The following IGF2BP1 variants were observed in gnomAD, a reference collection of about 807,000 sequenced individuals.
IGF2BP1 encodes insulin like growth factor 2 mRNA binding protein 1.
IGF2BP1 carries 11 observed loss-of-function variants against 74.9 expected under a neutral mutation model. The ratio of observed to expected loss-of-function variants is 0.15; its 90% CI spans 0.09 to 0.24. The LOEUF is 0.24. IGF2BP1 is among the 10% of genes least tolerant of loss of function. IGF2BP1 has a pLI of 1.00. For missense variants in IGF2BP1, 440 were observed against 757.4 expected (o/e 0.58, Z 4.92); for synonymous variants, 287 against 281.8 (o/e 1.02, Z -0.18).
chr17:49,034,506 A>G (rs544075350), intron 5 of IGF2BP1, among the ~76,000 whole-genome samples: 5 of 151,458 alleles, frequency 3.3e-5, no homozygotes, highest in African/African-American at 4.8e-5. Flanking sequence ...TGGGAGGCCA[A>G]TGCAGGGTGG....
chr17:49,032,297 G>C lies in IGF2BP1; in HGVS notation c.401+324G>C, dbSNP rs548444431. Among the ~76,000 whole-genome samples, 300 of 152,200 alleles carry C rather than the reference G, an allele frequency of 2.0e-3. 1 individual carries two copies. Among genetic ancestry groups the C allele is most frequent in the African/African-American group, 7.0e-3 (290 of 41,532 alleles). Reference sequence around the variant, plus strand: ...AAATGTCCCCTGCTGATAGGTCTCTGGTTGCTCCAGGACCTTAGAGTCCTT... The same window carrying C: ...AAATGTCCCCTGCTGATAGGTCTCTCGTTGCTCCAGGACCTTAGAGTCCTT... On this transcript the variant is annotated intron_variant, in intron 5 of 14. Transcript: ENST00000290341.
chr17:49,025,313 A>AGTGTGT (rs369153046), intron 2 of IGF2BP1, among the ~76,000 whole-genome samples: 29,425 of 133,290 alleles, frequency 0.22, 3,488 homozygotes, highest in Non-Finnish European at 0.27. Flanking sequence ...GGACAAACAA[A>AGTGTGT]GTGTGTGTGT....
At chr17:49,023,420 A>G (rs1210881397) in intron 2 of IGF2BP1, among the ~76,000 whole-genome samples, 2 of 151,952 alleles carry the variant, frequency 1.3e-5, no homozygotes, top group Non-Finnish European at 2.9e-5. Flanking sequence ...TGCAGGCTAG[A>G]AAAGATCATA....
Position 49,055,790 on chromosome 17 carries a change from T to C in IGF2BP1, c.*6346T>C, listed in dbSNP as rs932824208. The C allele has an allele frequency of 2.5e-6, 1 of 396,784 alleles. No homozygotes were observed. The highest frequency in any genetic ancestry group is 4.4e-6 in the Non-Finnish European group (1 of 225,614). The allele number at this position is 396,784 out of a possible 1,614,324, so 24.6% of individuals were successfully genotyped here. On this transcript the variant is annotated 3_prime_UTR_variant, in exon 15 of 15. Coordinates refer to ENST00000290341, the MANE Select transcript of IGF2BP1 (RefSeq NM_006546.4). ...ACTCAGAAGAGGGAACGATGTATTT[T>C]GATGAGTGCAAATTGGGAAGAGCTG...
At chr17:49,037,324 A>G (rs1164036510) in intron 5 of IGF2BP1, 2 of 502,094 alleles carry the variant, frequency 4.0e-6, no homozygotes, top group Non-Finnish European at 7.4e-6. Flanking sequence ...CACTATAATG[A>G]TCCAGCCTTT....
At position 49,038,326 on chromosome 17, in the gene IGF2BP1, C is replaced by G. The variant is rs1346843176; in HGVS notation, c.560C>G (p.Ala187Gly). The part of the protein sequence containing the change: ...PRQGSPVAAG[A>G]PAKQQQVDIP... ...CAGGGCTCACCTGTGGCAGCGGGGG[C>G]CCCAGCCAAGCAGCAGCAAGTGGAC... The change falls in exon 6 of 15, where the codon GCC (alanine) becomes GGC (glycine). Residue 187 changes from alanine to glycine, a missense_variant. Physicochemically the swap from Ala to Gly is moderately conservative, Grantham distance 60 (BLOSUM62 0). Transcript: ENST00000290341. The G allele has an allele frequency of 6.2e-6, 10 of 1,605,454 alleles. No individual in the cohort carries two copies. The highest frequency in any genetic ancestry group is 5.4e-5 in the African/African-American group (4 of 74,702).
chr17:49,006,200 CAG>C (rs1459750199), intron 2 of IGF2BP1, among the ~76,000 whole-genome samples: 31 of 152,168 alleles, frequency 2.0e-4, no homozygotes, highest in African/African-American at 6.5e-4. Flanking sequence ...GGGGAGAAAT[CAG>C]AGAATTCAGA....
At chr17:49,000,328 A>G (rs2041473176) in intron 2 of IGF2BP1, among the ~76,000 whole-genome samples, 4 of 152,150 alleles carry the variant, frequency 2.6e-5, no homozygotes, top group Admixed American at 2.6e-4. Flanking sequence ...AGGGCCTAGA[A>G]AGTTTAATGT....
At chr17:49,045,104 AATTGAGGTTGGGT>A (rs1409581209) in intron 12 of IGF2BP1, 39 bp downstream of exon 12, 1 of 1,573,234 alleles carries the variant, frequency 6.4e-7, no homozygotes, top group Non-Finnish European at 8.7e-7. Flanking sequence ...AACATGGAGG[AATTGAGGTTGGGT>A]ATTTCCCCTG....
At chr17:49,019,343 G>A (rs570523569) in intron 2 of IGF2BP1, among the ~76,000 whole-genome samples, 4 of 152,126 alleles carry the variant, frequency 2.6e-5, no homozygotes, top group East Asian at 1.9e-4. Context: ...AGCTCCTCAA[G>A]GTTCTGGATT....
chr17:49,014,647 T>G (rs967639832), intron 2 of IGF2BP1: 1 of 406,144 alleles, frequency 2.5e-6, no homozygotes, highest in Non-Finnish European at 3.3e-6. Flanking sequence ...AGCGCCTGTT[T>G]CCCACCGCAG....
intron 7 of IGF2BP1, among the ~76,000 whole-genome samples, chr17:49,040,633 G>A (rs1445912313): frequency 2.0e-5 from 3 of 152,212 alleles, no homozygotes. Flanking sequence ...TCACTTGTGC[G>A]TGTATGCACA....
chr17:49,047,217 G>C (rs1237197644), intron 14 of IGF2BP1, among the ~76,000 whole-genome samples: 7 of 151,992 alleles, frequency 4.6e-5, no homozygotes, highest in Non-Finnish European at 1.5e-5. Flanking sequence ...AGGGAGCTTT[G>C]ACCTCAAACT....
At chr17:49,015,588 G>A (rs890661335) in intron 2 of IGF2BP1, among the ~76,000 whole-genome samples, 2 of 152,184 alleles carry the variant, frequency 1.3e-5, no homozygotes, top group Admixed American at 6.5e-5. Flanking sequence ...CGTACTGTAG[G>A]TTTGTCCTGA....
intron 2 of IGF2BP1, among the ~76,000 whole-genome samples, chr17:49,025,313 A>AGTTGT (rs1555598807): frequency 7.5e-6 from 1 of 133,554 alleles, no homozygotes. Flanking sequence ...GGACAAACAA[A>AGTTGT]GTGTGTGTGT....
At chr17:49,019,655 C>G (rs558048392) in intron 2 of IGF2BP1, among the ~76,000 whole-genome samples, 2 of 151,884 alleles carry the variant, frequency 1.3e-5, no homozygotes, top group African/African-American at 4.8e-5. Context: ...GTAACTATTT[C>G]AGTATGTATT....
At chr17:49,016,537 GA>G (rs1274127303) in intron 2 of IGF2BP1, among the ~76,000 whole-genome samples, 3 of 152,148 alleles carry the variant, frequency 2.0e-5, no homozygotes, top group Admixed American at 1.3e-4. Flanking sequence ...AGCTCTTGGT[GA>G]CCTGCTTTTC....
At chr17:48,999,488 G>A (rs1343627832) in intron 2 of IGF2BP1, among the ~76,000 whole-genome samples, 4 of 151,916 alleles carry the variant, frequency 2.6e-5, no homozygotes, top group African/African-American at 9.7e-5. Context: ...CGTTTTTTGT[G>A]GGGGAACCTT....
intron 2 of IGF2BP1, among the ~76,000 whole-genome samples, chr17:49,008,690 T>G (rs2041580132): frequency 6.6e-6 from 1 of 152,200 alleles, no homozygotes; most frequent in South Asian, 2.1e-4. Flanking sequence ...AAAAGCCCCA[T>G]GGTTAGCAAC....
Sources: gnomAD v4.1 joint callset for allele counts (sites outside exome capture counted in the v4.1 genomes callset) on GRCh38, gnomAD v4.1.1 for gene constraint, MANE v1.5 for transcripts, NCBI Gene and HGNC (gene_info 2026-07-23, HGNC 2026-07-21) for gene names.